GRM7: variants seen among roughly 807,000 people sequenced by gnomAD.
The protein encoded by GRM7 is glutamate metabotropic receptor 7.
A neutral mutation model predicts 84.5 loss-of-function variants in GRM7; 35 were observed. That is an observed-to-expected ratio of 0.41 (90% CI 0.32 to 0.55). The LOEUF is 0.55. Among genes scored for constraint, GRM7 ranks in the 20% least tolerant of loss-of-function variants. The pLI is 0.19. For missense variants in GRM7, 1,003 were observed against 1,194.6 expected, an observed-to-expected ratio of 0.84 and a Z score of 2.36; for synonymous variants, 487 against 455.1, an observed-to-expected ratio of 1.07 and a Z score of -0.89.
intron 8 of GRM7, among the ~76,000 whole-genome samples, chr3:7,647,886 G>A (rs928551153): frequency 6.6e-6 from 1 of 152,136 alleles, no homozygotes; most frequent in Non-Finnish European, 1.5e-5. Context: ...AATAAAAAGT[G>A]CCCAAGTCTA....
At chr3:7,331,117 G>A (rs145499267) in intron 4 of GRM7, among the ~76,000 whole-genome samples, 3 of 152,296 alleles carry the variant, frequency 2.0e-5, no homozygotes, top group African/African-American at 4.8e-5. Flanking sequence ...CAAGATCGGG[G>A]ATCCATGTCT....
intron 1 of GRM7, among the ~76,000 whole-genome samples, chr3:6,943,589 A>G: frequency 6.6e-6 from 1 of 152,024 alleles, no homozygotes; most frequent in East Asian, 1.9e-4. Context: ...TTTGTCAATT[A>G]GTGTAGCCTT....
intron 4 of GRM7, among the ~76,000 whole-genome samples, chr3:7,341,471 C>T (rs1051404962): frequency 6.6e-6 from 1 of 151,608 alleles, no homozygotes; most frequent in Non-Finnish European, 1.5e-5. Flanking sequence ...TAGAGTATTA[C>T]TATTTTATGA....
At chr3:7,322,795 C>T (rs1449950350) in intron 4 of GRM7, among the ~76,000 whole-genome samples, 1 of 151,820 alleles carries the variant, frequency 6.6e-6, no homozygotes, top group African/African-American at 2.4e-5. Flanking sequence ...CTACTTTATA[C>T]TCTATATAGG....
chr3:6,945,002 C>T (rs980244771), intron 1 of GRM7, among the ~76,000 whole-genome samples: 2 of 151,974 alleles, frequency 1.3e-5, no homozygotes, highest in African/African-American at 4.8e-5. Flanking sequence ...ATTTCTGATA[C>T]TGGTAATTTG....
intron 1 of GRM7, chr3:6,892,875 C>G (rs180798620): frequency 2.6e-5 from 4 of 152,062 alleles, no homozygotes; most frequent in South Asian, 2.1e-4. Context: ...CAAAACGATG[C>G]GAAACCCGAA....
chr3:7,091,928 A>C (rs9814865), intron 1 of GRM7, among the ~76,000 whole-genome samples: 83,923 of 150,398 alleles, frequency 0.56, 25,952 homozygotes, highest in African/African-American at 0.84. Flanking sequence ...CACATGGTAT[A>C]ACTTTGCTGC....
At chr3:7,344,364 G>C (rs1332657498) in intron 4 of GRM7, among the ~76,000 whole-genome samples, 2 of 152,046 alleles carry the variant, frequency 1.3e-5, no homozygotes, top group Non-Finnish European at 2.9e-5. Flanking sequence ...CTATTCTTGT[G>C]TTAGTTTGCT....
chr3:6,935,497 T>G (rs926746694), intron 1 of GRM7, among the ~76,000 whole-genome samples: 3 of 151,788 alleles, frequency 2.0e-5, no homozygotes, highest in Non-Finnish European at 4.4e-5. Flanking sequence ...TTTGTGACAG[T>G]TTCTGGTTTA....
intron 9 of GRM7, among the ~76,000 whole-genome samples, chr3:7,696,588 A>C (rs1265601287): frequency 3.9e-5 from 6 of 152,176 alleles, no homozygotes; most frequent in Admixed American, 3.9e-4. Flanking sequence ...CTTAAACAGA[A>C]CACTTCCAAG....
At chr3:7,096,125 T>C (rs6762258) in intron 1 of GRM7, among the ~76,000 whole-genome samples, 27,845 of 152,018 alleles carry the variant, frequency 0.18, 2,637 homozygotes, top group Middle Eastern at 0.31. Context: ...TATTCTGCTC[T>C]CCCCTATCCT....
chr3:6,927,474 A>G (rs1477700642), intron 1 of GRM7, among the ~76,000 whole-genome samples: 1 of 58,452 alleles, frequency 1.7e-5, no homozygotes, highest in Admixed American at 1.7e-4. Flanking sequence ...AGAAAGAAAG[A>G]AAGAAAGAAA....
At chr3:7,132,547 C>G (rs369643903) in intron 1 of GRM7, among the ~76,000 whole-genome samples, 1 of 151,940 alleles carries the variant, frequency 6.6e-6, no homozygotes, top group African/African-American at 2.4e-5. Context: ...TAGTAGGAAA[C>G]GCTAAATGCT....
chr3:6,961,414 C>G (rs1693291793), intron 1 of GRM7, among the ~76,000 whole-genome samples: 1 of 152,004 alleles, frequency 6.6e-6, no homozygotes, highest in African/African-American at 2.4e-5. Context: ...CCTGGCAAAC[C>G]CTCTCATAAC....
chr3:7,063,772 G>A (rs943335397), intron 1 of GRM7, among the ~76,000 whole-genome samples: 2 of 151,638 alleles, frequency 1.3e-5, no homozygotes, highest in Non-Finnish European at 3.0e-5. Flanking sequence ...TACTTGCAAA[G>A]TAACACAAGA....
At position 6,878,330 on chromosome 3, in the gene GRM7, A is replaced by G. The variant is rs546589232; in HGVS notation, c.519+16423A>G. ...ATTATCAAAACTAAATAAGTGACCA[A>G]GAAATTCAAATGATTAGACTTTCAA... is the stretch of plus-strand genomic sequence containing the variant. On this transcript the variant is annotated intron_variant, in intron 1 of 9. Coordinates refer to ENST00000357716, the MANE Select transcript of GRM7 (RefSeq NM_000844.4). Among the ~76,000 whole-genome samples the G allele has an allele frequency of 3.3e-5, 5 of 152,028 alleles. No homozygotes were observed. The South Asian group carries it at 1.0e-3, about 32-fold the overall frequency.
At chr3:7,552,936 T>C (rs74411886) in intron 7 of GRM7, among the ~76,000 whole-genome samples, 13,777 of 152,298 alleles carry the variant, frequency 0.09, 794 homozygotes, top group South Asian at 0.12. Context: ...CCTCAGAAAA[T>C]GGGTTTCTCT....
chr3:6,919,054 G>A (rs1697032740), intron 1 of GRM7, among the ~76,000 whole-genome samples: 1 of 152,160 alleles, frequency 6.6e-6, no homozygotes, highest in Non-Finnish European at 1.5e-5. Context: ...TTCTGGTTGA[G>A]CCTGACATTG....
intron 1 of GRM7, among the ~76,000 whole-genome samples, chr3:6,970,373 G>A (rs569748344): frequency 6.6e-6 from 1 of 152,294 alleles, no homozygotes; most frequent in African/African-American, 2.4e-5. Flanking sequence ...GTGTTTAAAT[G>A]GTTCAGGAAG....
Sources: allele counts gnomAD v4.1 joint callset (sites outside exome capture counted in the v4.1 genomes callset), GRCh38; gene constraint gnomAD v4.1.1; transcripts MANE v1.5; gene names NCBI Gene and HGNC (gene_info 2026-07-23, HGNC 2026-07-21).